Variants in ANO1 observed in about 807,000 individuals in gnomAD.
ANO1 encodes the protein anoctamin-1.
Under a neutral mutation model 124.0 loss-of-function variants are expected in ANO1, and 59 were observed. That is an observed-to-expected ratio of 0.48 (90% CI 0.39 to 0.59). ANO1 has a LOEUF of 0.59. Ranked by LOEUF, ANO1 falls within the 20% of genes least tolerant of loss-of-function variation. The pLI is 0.00. For missense variants in ANO1, 1,059 were observed against 1,328.0 expected (o/e 0.80, Z 3.15); for synonymous variants, 529 against 532.0 (o/e 0.99, Z 0.08).
chr11:70,121,614 C>T (rs1330600778), intron 8 of ANO1, among the ~76,000 whole-genome samples: 11 of 111,038 alleles, frequency 9.9e-5, no homozygotes, highest in Admixed American at 2.1e-4. Flanking sequence ...TCTCTCTCTC[C>T]GTCTCCCCCA....
chr11:70,171,450 A>G (rs919337067), intron 22 of ANO1, among the ~76,000 whole-genome samples: 2 of 152,164 alleles, frequency 1.3e-5, no homozygotes, highest in Non-Finnish European at 2.9e-5. Context: ...GCCCTCCTAC[A>G]TGGCATGTCA....
At chr11:70,115,578 C>T (rs1458435595) in intron 7 of ANO1, among the ~76,000 whole-genome samples, 2 of 152,122 alleles carry the variant, frequency 1.3e-5, no homozygotes, top group African/African-American at 2.4e-5. Flanking sequence ...TGCCACTGTA[C>T]TCCAGCCTGA....
At chr11:70,041,778 G>A (rs782236405) in intron 1 of ANO1, among the ~76,000 whole-genome samples, 14 of 152,098 alleles carry the variant, frequency 9.2e-5, no homozygotes, top group Non-Finnish European at 1.9e-4. Flanking sequence ...AGAGGATGTT[G>A]GAGGAAATTT....
chr11:70,028,189 C>T (rs1856942520), intron 1 of ANO1, among the ~76,000 whole-genome samples: 2 of 152,318 alleles, frequency 1.3e-5, no homozygotes, highest in South Asian at 4.1e-4. Flanking sequence ...GAGTCTGTCA[C>T]ATTTAGGCCC....
chr11:69,976,505 TCTAAAAAAAAAAAAAAAAAAAAAAAA>T, the ANO1 span, among the ~76,000 whole-genome samples: 1 of 89,390 alleles, frequency 1.1e-5, no homozygotes, highest in East Asian at 3.2e-4. Flanking sequence ...AAACTCCGTC[TCTAAAAAAAAAAAAAAAAAAAAAAAA>T]AAAAAAAAAA....
At chr11:70,130,163 T>C (rs547784080) in intron 10 of ANO1, among the ~76,000 whole-genome samples, 1 of 152,242 alleles carries the variant, frequency 6.6e-6, no homozygotes, top group South Asian at 2.1e-4. Context: ...AGCCAGGGTG[T>C]GTACTTAGAG....
chr11:70,088,664 G>A (rs2044495686), intron 2 of ANO1, among the ~76,000 whole-genome samples: 1 of 152,342 alleles, frequency 6.6e-6, no homozygotes, highest in African/African-American at 2.4e-5. Flanking sequence ...GGCCTTCACA[G>A]CCATGACCTT....
chr11:70,084,121 G>A (rs1459874301), intron 1 of ANO1, among the ~76,000 whole-genome samples: 6 of 152,116 alleles, frequency 3.9e-5, no homozygotes, highest in African/African-American at 7.2e-5. Flanking sequence ...AGATGAGGAG[G>A]AATAGCCGAA....
chr11:70,053,445 T>C (rs1419608328), intron 1 of ANO1, among the ~76,000 whole-genome samples: 1 of 152,180 alleles, frequency 6.6e-6, no homozygotes, highest in Non-Finnish European at 1.5e-5. Context: ...TAAGAGTTCT[T>C]ATACACAGGT....
At chr11:70,145,755 G>T (rs1041523040) in intron 11 of ANO1, among the ~76,000 whole-genome samples, 1 of 152,134 alleles carries the variant, frequency 6.6e-6, no homozygotes, top group South Asian at 2.1e-4. Context: ...TGGCCAATAC[G>T]ATGAAACCCT....
At chr11:70,085,890 G>A (rs1016780781) in intron 1 of ANO1, among the ~76,000 whole-genome samples, 3 of 152,208 alleles carry the variant, frequency 2.0e-5, no homozygotes, top group Non-Finnish European at 4.4e-5. Flanking sequence ...CCCTTTTCCC[G>A]ACCAGTGCAC....
the ANO1 span, among the ~76,000 whole-genome samples, chr11:69,978,234 C>A: frequency 1.3e-5 from 2 of 152,172 alleles, no homozygotes; most frequent in Non-Finnish European, 2.9e-5. Context: ...GCTGCCACCT[C>A]GGGTCCGACG....
chr11:70,073,774 T>C (rs1170718780), upstream of ANO1, among the ~76,000 whole-genome samples: 1 of 152,012 alleles, frequency 6.6e-6, no homozygotes, highest in Non-Finnish European at 1.5e-5. Flanking sequence ...ATTAAGAATC[T>C]GAAAACCCTC....
chr11:69,969,863 C>T, the ANO1 span, among the ~76,000 whole-genome samples: 1 of 152,158 alleles, frequency 6.6e-6, no homozygotes, highest in Non-Finnish European at 1.5e-5. Flanking sequence ...AGGAGAATCG[C>T]TTGAACCTGG....
intron 24 of ANO1, 135 bp downstream of exon 24, chr11:70,182,821 A>T: frequency 1.1e-6 from 1 of 913,440 alleles, no homozygotes; most frequent in East Asian, 3.0e-5. Context: ...AGAAGGAAAA[A>T]AAAAAAGGCT....
chr11:69,975,690 A>G, the ANO1 span, among the ~76,000 whole-genome samples: 1 of 152,126 alleles, frequency 6.6e-6, no homozygotes, highest in African/African-American at 2.4e-5. Context: ...TGGCTCCGGG[A>G]TCCGCTCTCC....
chr11:70,069,369 C>T (rs1375103953), intron 1 of ANO1, among the ~76,000 whole-genome samples: 4 of 152,164 alleles, frequency 2.6e-5, no homozygotes, highest in African/African-American at 4.8e-5. Flanking sequence ...CGGCCAAGCA[C>T]GTCTCAAGGT....
At chr11:70,159,468 G>A (rs772218407) in intron 16 of ANO1, among the ~76,000 whole-genome samples, 6 of 152,342 alleles carry the variant, frequency 3.9e-5, no homozygotes, top group Admixed American at 2.0e-4. Flanking sequence ...CAGCCTTGAC[G>A]TACTGGTAAA....
At position 70,111,739 on chromosome 11, in the gene ANO1, G is replaced by C; in HGVS notation, c.832G>C (p.Ala278Pro). The stretch of plus-strand genomic sequence containing the variant: ...GAGCCTGCTGGCCAATGGTGTGTAC[G>C]CGGCTGCATACCCACTGCACGATGT... ...ITSLLANGVYAAAYPLHDGDY... is the reference protein window; with the variant it reads ...ITSLLANGVYPAAYPLHDGDY... Residue 278 changes from alanine to proline, a missense_variant, in exon 7 of 26, where the codon GCG becomes CCG. By Grantham distance (27) the Ala-to-Pro change is conservative. Transcript: ENST00000355303. 6.2e-7 allele frequency: 1 copy of C among 1,614,028 alleles called. No individual in the cohort carries two copies.
Sources: gnomAD v4.1 joint callset for allele counts (sites outside exome capture counted in the v4.1 genomes callset) on GRCh38, gnomAD v4.1.1 for gene constraint, MANE v1.5 for transcripts, NCBI Gene and HGNC (gene_info 2026-07-23, HGNC 2026-07-21) for gene names.